The following PIGN variants were observed in gnomAD, a reference collection of about 807,000 sequenced individuals.
PIGN encodes GPI ethanolamine phosphate transferase 1.
A neutral mutation model predicts 125.4 loss-of-function variants in PIGN; 117 were observed. The observed-to-expected ratio is 0.93, with a 90% CI of 0.80 to 1.09. The LOEUF (loss-of-function observed/expected upper bound fraction) is 1.09, where lower values mean the gene tolerates loss of function less well. Among genes scored for constraint, PIGN ranks in the 50% least tolerant of loss-of-function variants. The pLI is 0.00. For synonymous variants in PIGN, 392 were observed against 377.8 expected, an observed-to-expected ratio of 1.04 and a Z score of -0.44; for missense variants, 1,075 against 1,094.9, an observed-to-expected ratio of 0.98 and a Z score of 0.26.
chr18:62,023,262 A>T (rs1266184531), intron 23 of PIGN, among the ~76,000 whole-genome samples: 1 of 152,186 alleles, frequency 6.6e-6, no homozygotes, highest in African/African-American at 2.4e-5. Context: ...CCCAGGCAAC[A>T]ATTCATCTAC....
chr18:62,083,008 T>C (rs2033523065), intron 27 of PIGN, among the ~76,000 whole-genome samples: 1 of 152,082 alleles, frequency 6.6e-6, no homozygotes. Flanking sequence ...AAAAGCCTAT[T>C]ACAAATTTTG....
At chr18:62,051,952 A>C (rs1414499066) in intron 30 of PIGN, 1 of 151,906 alleles carries the variant, frequency 6.6e-6, no homozygotes, top group Non-Finnish European at 1.5e-5. Context: ...CCTTCCTTTC[A>C]TTATGTACCC....
At chr18:62,125,266 A>AT (rs1330618792) in intron 14 of PIGN, among the ~76,000 whole-genome samples, 88 of 130,834 alleles carry the variant, frequency 6.7e-4, no homozygotes, top group East Asian at 4.3e-3. Flanking sequence ...ATATGTGTAT[A>AT]AACACACACA....
chr18:62,050,902 T>C (rs1428449102), intron 30 of PIGN, among the ~76,000 whole-genome samples: 1 of 151,480 alleles, frequency 6.6e-6, no homozygotes, highest in Admixed American at 6.6e-5. Flanking sequence ...TAAGAGTTTT[T>C]AGCATGAACG....
chr18:62,132,714 TGCTA>T (rs1483784820), intron 14 of PIGN, among the ~76,000 whole-genome samples: 1 of 152,200 alleles, frequency 6.6e-6, no homozygotes, highest in Non-Finnish European at 1.5e-5. Context: ...CTGATTATGA[TGCTA>T]GCTAATATCT....
At chr18:62,173,008 A>C (rs1303568903) in intron 1 of PIGN, among the ~76,000 whole-genome samples, 1 of 152,242 alleles carries the variant, frequency 6.6e-6, no homozygotes, top group Non-Finnish European at 1.5e-5. Context: ...TAGATTGTGA[A>C]GCAACCCAAC....
chr18:62,155,431 T>C, intron 6 of PIGN, among the ~76,000 whole-genome samples: 1 of 151,916 alleles, frequency 6.6e-6, no homozygotes. Context: ...TAGCTGGGTG[T>C]GGTGGTGTGC....
rs2036010186 is a variant in PIGN, at chr18:62,138,317, A to G, written c.1117-19T>C. On this transcript the variant is annotated intron_variant, in intron 13 of 30. Coordinates refer to ENST00000640252, the MANE Select transcript of PIGN (RefSeq NM_176787.5). ...TTTTCACCTGGGAACCAAGTATGAA[A>G]ATATTACAAATGAGAAAAATAATGA... The G allele has an allele frequency of 6.6e-7, 1 of 1,522,580 alleles. No individual in the cohort carries two copies. Among genetic ancestry groups the G allele is most frequent in the Non-Finnish European group, 8.8e-7 (1 of 1,134,620 alleles). The allele number at this position is 1,522,580 out of a possible 1,614,324, so 94.3% of individuals were successfully genotyped here. A position where few individuals can be genotyped will look rare whatever the true frequency, so the allele number is the denominator to read the frequency against.
At chr18:62,166,264 C>T (rs1824648645) in intron 1 of PIGN, among the ~76,000 whole-genome samples, 1 of 152,154 alleles carries the variant, frequency 6.6e-6, no homozygotes, top group African/African-American at 2.4e-5. Context: ...GTTGGCTCTA[C>T]CCTGCAGCAG....
chr18:62,066,938 C>T (rs1377721457), intron 30 of PIGN, among the ~76,000 whole-genome samples: 1 of 152,188 alleles, frequency 6.6e-6, no homozygotes, highest in African/African-American at 2.4e-5. Context: ...TACTTTGTTT[C>T]TCCTCCCCTT....
intron 23 of PIGN, among the ~76,000 whole-genome samples, chr18:62,028,417 T>C (rs188506872): frequency 6.6e-6 from 1 of 152,292 alleles, no homozygotes; most frequent in Admixed American, 6.5e-5. Flanking sequence ...TAAAAAGAAA[T>C]AGAAGAAATT....
chr18:62,136,690 T>A (rs112546515), intron 14 of PIGN: 3,486 of 162,128 alleles, frequency 0.022, 103 homozygotes, highest in African/African-American at 0.058. Flanking sequence ...ACAGAAGTTG[T>A]CAAAAATAAC....
chr18:62,018,602 C>G (rs140932564), intron 23 of PIGN, among the ~76,000 whole-genome samples: 4 of 152,238 alleles, frequency 2.6e-5, no homozygotes, highest in African/African-American at 7.2e-5. Flanking sequence ...GGGCTCTGAG[C>G]TGAGCACATG....
rs1218445418 is a variant in PIGN, at chr18:62,041,323, G to A, written c.*4533C>T. On this transcript the variant is annotated 3_prime_UTR_variant, in exon 31 of 31. Transcript: ENST00000640252. The stretch of plus-strand genomic sequence containing the variant: ...CACATGAAAGACTAAATGATGACAG[G>A]TGTAATATATACAGAGGCAGGAAAA... The A allele has an allele frequency of 6.6e-6, 1 of 152,102 alleles. No homozygotes were observed. Among genetic ancestry groups the A allele is most frequent in the Non-Finnish European group, 1.5e-5 (1 of 68,008 alleles). 9.4% of individuals were successfully genotyped at this position (152,102 alleles called of 1,614,324 possible). A position where few individuals can be genotyped will look rare whatever the true frequency, so the allele number is the denominator to read the frequency against.
chr18:62,142,431 G>A (rs573392967), intron 11 of PIGN, among the ~76,000 whole-genome samples: 10 of 144,770 alleles, frequency 6.9e-5, no homozygotes, highest in East Asian at 4.5e-4. Context: ...AGTCATTCCC[G>A]TCTTTTTGAC....
intron 25 of PIGN, 21 bp downstream of exon 25, chr18:62,088,735 C>A: frequency 7.0e-7 from 1 of 1,434,562 alleles, no homozygotes; most frequent in African/African-American, 1.4e-5. Context: ...CTCTTTAAAC[C>A]AAAGTCTCCA....
intron 7 of PIGN, among the ~76,000 whole-genome samples, chr18:62,152,007 G>A (rs1201955521): frequency 2.0e-5 from 3 of 152,144 alleles, no homozygotes; most frequent in African/African-American, 4.8e-5. Context: ...CAAGGTGGTC[G>A]GGGTGCAGCC....
intron 22 of PIGN, among the ~76,000 whole-genome samples, chr18:62,099,719 C>G (rs567379067): frequency 6.6e-6 from 1 of 152,078 alleles, no homozygotes; most frequent in African/African-American, 2.4e-5. Context: ...GAGGAAAGGA[C>G]TGTCTCTCCA....
In PIGN at chr18:62,119,289, G is replaced by GA. The variant is rs1261942966; in HGVS notation, c.1173-4651dup. Among the ~76,000 whole-genome samples, 12 of 149,206 alleles carry GA rather than the reference G, an allele frequency of 8.0e-5. 1 individual carries two copies. The highest frequency in any genetic ancestry group is 5.8e-4 in the East Asian group (3 of 5,142). ...CCAGACTTAACAAACAAGACCAATTGAAAAAAAAAGAATCGAAACAAACTC... is the reference window on the plus strand; with the variant it reads ...CCAGACTTAACAAACAAGACCAATTGAAAAAAAAAAGAATCGAAACAAACTC... On this transcript the variant is annotated intron_variant, in intron 14 of 30. Coordinates refer to ENST00000640252, the MANE Select transcript of PIGN (RefSeq NM_176787.5).
Sources: allele counts gnomAD v4.1 joint callset (sites outside exome capture counted in the v4.1 genomes callset), GRCh38; gene constraint gnomAD v4.1.1; transcripts MANE v1.5; gene names NCBI Gene and HGNC (gene_info 2026-07-23, HGNC 2026-07-21).